RAI1: variants seen among roughly 807,000 people sequenced by gnomAD.
The protein encoded by RAI1 is retinoic acid induced 1, also known as retinoic acid-induced protein 1.
RAI1 carries 9 observed loss-of-function variants against 123.8 expected under a neutral mutation model. The ratio of observed to expected loss-of-function variants is 0.07; its 90% CI spans 0.04 to 0.13. RAI1 has a LOEUF of 0.13. Among genes scored for constraint, RAI1 ranks in the 10% least tolerant of loss-of-function variants. The probability of loss-of-function intolerance (pLI) is 1.00; values close to 1 mark genes in which losing one functional copy is unlikely to be tolerated. For synonymous variants in RAI1, 1,231 were observed against 1,127.3 expected (o/e 1.09, Z -1.84); for missense variants, 2,256 against 2,545.8 (o/e 0.89, Z 2.45).
chr17:17,780,152 G>C (rs1229665994), intron 2 of RAI1, among the ~76,000 whole-genome samples: 1 of 147,170 alleles, frequency 6.8e-6, no homozygotes, highest in Non-Finnish European at 1.5e-5. Context: ...TGCAACCTCC[G>C]CCTCCCAGGT....
chr17:17,726,095 T>A (rs1387249006), intron 2 of RAI1, among the ~76,000 whole-genome samples: 1 of 152,070 alleles, frequency 6.6e-6, no homozygotes, highest in Non-Finnish European at 1.5e-5. Context: ...TTCAGGGACC[T>A]TGTGGGAGGC....
intron 1 of RAI1, among the ~76,000 whole-genome samples, chr17:17,721,470 G>A (rs1426590937): frequency 6.6e-6 from 1 of 152,218 alleles, no homozygotes; most frequent in Non-Finnish European, 1.5e-5. Flanking sequence ...AGGTCCTAAG[G>A]TGAGAGTGTG....
chr17:17,765,325 C>T (rs2030881032), intron 2 of RAI1, among the ~76,000 whole-genome samples: 1 of 152,226 alleles, frequency 6.6e-6, no homozygotes, highest in African/African-American at 2.4e-5. Flanking sequence ...GACCGAGGTA[C>T]AGTCCAGGCA....
In RAI1 at chr17:17,714,753, G is replaced by C. The variant is rs576563146; in HGVS notation, c.-148-9275G>C. ...GAAGGGCACAGAAGCAGGACTGGAAGGAAATCCTGGTTGTGGGCTGAGCTC... is the reference window on the plus strand; with the variant it reads ...GAAGGGCACAGAAGCAGGACTGGAACGAAATCCTGGTTGTGGGCTGAGCTC... On this transcript the variant is annotated intron_variant, in intron 1 of 5. Coordinates refer to ENST00000353383, the MANE Select transcript of RAI1 (RefSeq NM_030665.4). The surrounding 1 kb of genome is among the most constrained non-coding windows in gnomAD (Gnocchi z 4.9). Among the ~76,000 whole-genome samples the C allele has an allele frequency of 6.6e-6, 1 of 152,244 alleles. No individual in the cohort carries two copies. The highest frequency in any genetic ancestry group is 1.9e-4 in the East Asian group (1 of 5,204).
chr17:17,804,818 T>C (rs909822092), intron 4 of RAI1, among the ~76,000 whole-genome samples: 9 of 152,104 alleles, frequency 5.9e-5, no homozygotes, highest in Admixed American at 5.2e-4. Flanking sequence ...GCAGCCATGC[T>C]GGCTCCTAGT....
chr17:17,791,207 G>A (rs1458376939), intron 2 of RAI1, among the ~76,000 whole-genome samples: 1 of 152,242 alleles, frequency 6.6e-6, no homozygotes, highest in Non-Finnish European at 1.5e-5. Flanking sequence ...GAGCAGGAGA[G>A]GTGGTCCCAG....
At chr17:17,684,671 CATATATATATATATATATATATATAT>C (rs58265371) in intron 1 of RAI1, 5 of 125,876 alleles carry the variant, frequency 4.0e-5, no homozygotes, top group East Asian at 3.6e-4. Flanking sequence ...TCACTTAATG[CATATATATATATATATATATATATAT>C]ATATATATAT....
intron 1 of RAI1, among the ~76,000 whole-genome samples, chr17:17,691,488 G>C (rs911234813): frequency 2.6e-5 from 4 of 152,252 alleles, no homozygotes; most frequent in African/African-American, 9.6e-5. Context: ...AAAGGTAGCG[G>C]GAAGAAAGAG....
intron 4 of RAI1, among the ~76,000 whole-genome samples, chr17:17,807,089 C>T (rs1047877027): frequency 5.9e-5 from 9 of 152,154 alleles, no homozygotes; most frequent in African/African-American, 2.2e-4. Flanking sequence ...TTGTGTTCAC[C>T]ATGGAACAGC....
At chr17:17,724,322 G>A (rs1915998808) in intron 2 of RAI1, among the ~76,000 whole-genome samples, 163 bp downstream of exon 2, 1 of 151,256 alleles carries the variant, frequency 6.6e-6, no homozygotes, top group African/African-American at 2.4e-5. Context: ...CCAGGATCTT[G>A]GCTGGAGTTG....
rs1322525063 is a variant in RAI1 at position 17,811,227 on chromosome 17, T to C, written c.*1246T>C. 7 of 336,900 alleles carry C rather than the reference T, an allele frequency of 2.1e-5. No homozygotes were observed. Among genetic ancestry groups the C allele is most frequent in the South Asian group, 1.2e-4 (5 of 41,054 alleles). The allele number at this position is 336,900 out of a possible 1,614,324, so 20.9% of individuals were successfully genotyped here. On this transcript the variant is annotated 3_prime_UTR_variant, in exon 6 of 6. Coordinates refer to ENST00000353383, the MANE Select transcript of RAI1 (RefSeq NM_030665.4). ...ACGTGTGTATTATATCTGGCCTCGT[T>C]ATATAGTGTATATATATGTATACAT...
Position 17,797,035 on chromosome 17 carries a change from G to T in RAI1, c.4087G>T (p.Asp1363Tyr). The T allele has an allele frequency of 1.2e-6, 2 of 1,613,898 alleles. No individual in the cohort carries two copies. The highest frequency in any genetic ancestry group is 1.7e-6 in the Non-Finnish European group (2 of 1,180,036). The change falls in exon 3 of 6, where the codon GAC (aspartate) becomes TAC (tyrosine). Residue 1363 changes from aspartate (D) to tyrosine (Y), a missense_variant. By Grantham distance (160) the Asp-to-Tyr change is radical. Around this residue, in one of 7 missense-constraint regions of RAI1, gnomAD observed 322 missense variants for 358.0 expected, o/e 0.90. Coordinates refer to ENST00000353383, the MANE Select transcript of RAI1 (RefSeq NM_030665.4). The part of the protein sequence containing the change: ...PGNPLSPSLS[D>Y]KDRGLKGAGG... ...TAATCCTCTGAGCCCATCCCTTTCC[G>T]ACAAAGACCGTGGGCTCAAGGGTGC... is the stretch of plus-strand genomic sequence containing the variant.
chr17:17,778,941 G>A (rs2031456908), intron 2 of RAI1: 1 of 456,746 alleles, frequency 2.2e-6, no homozygotes, highest in South Asian at 1.5e-5. Context: ...CTGGGAAGAG[G>A]GGCCAGTGCA....
intron 3 of RAI1, chr17:17,802,115 C>T (rs762272285): frequency 6.4e-6 from 3 of 471,020 alleles, no homozygotes; most frequent in South Asian, 1.5e-5. Context: ...CTTCCAAGGG[C>T]CTTCTTGGTG....
intron 3 of RAI1, among the ~76,000 whole-genome samples, chr17:17,803,261 C>T (rs2032519509): frequency 6.6e-6 from 1 of 152,060 alleles, no homozygotes; most frequent in South Asian, 2.1e-4. Context: ...GCTAAATGAC[C>T]CATGTTTGTG....
Position 17,803,748 on chromosome 17 carries a change from T to C in RAI1, c.5566-8T>C. ...GAGACTCACCTGCCTTTCCTTTCTCTTCATCAGATGTGTTCCAGCTGCCAA... is the reference window on the plus strand; with the variant it reads ...GAGACTCACCTGCCTTTCCTTTCTCCTCATCAGATGTGTTCCAGCTGCCAA... On this transcript the variant is annotated splice_region_variant and splice_polypyrimidine_tract_variant and intron_variant, in intron 3 of 5. Coordinates refer to ENST00000353383, the MANE Select transcript of RAI1 (RefSeq NM_030665.4). The C allele has an allele frequency of 6.2e-7, 1 of 1,612,434 alleles. No individual in the cohort carries two copies. Among genetic ancestry groups the C allele is most frequent in the Non-Finnish European group, 8.5e-7 (1 of 1,178,976 alleles).
In RAI1 at chr17:17,681,475, C is replaced by A. The variant is rs1914409774; in HGVS notation, c.-467C>A. 1 of 169,028 alleles carries A rather than the reference C, an allele frequency of 5.9e-6. No homozygotes were observed. The highest frequency in any genetic ancestry group is 2.4e-5 in the African/African-American group (1 of 41,630). 10.5% of individuals were successfully genotyped at this position (169,028 alleles called of 1,614,324 possible). On this transcript the variant is annotated 5_prime_UTR_variant, in exon 1 of 6. Transcript: ENST00000353383. Reference sequence around the variant, plus strand: ...AGGGGATCGCATTCCTCGCGGCACCCGCGGACACCAGGCAGGCCCGGCCGG... The same window carrying A: ...AGGGGATCGCATTCCTCGCGGCACCAGCGGACACCAGGCAGGCCCGGCCGG...
chr17:17,681,803 G>T lies in RAI1; in HGVS notation c.-149+10G>T. The stretch of plus-strand genomic sequence containing the variant: ...GAGCGCGGGCGCCGAGGTGAGCAGC[G>T]AGCGCCGGGGCGCGGGGGGCGCAGT... On this transcript the variant is annotated intron_variant, in intron 1 of 5. Transcript: ENST00000353383. The T allele has an allele frequency of 6.7e-6, 2 of 298,718 alleles. No homozygotes were observed. The highest frequency in any genetic ancestry group is 4.7e-5 in the East Asian group (1 of 21,376). The allele number at this position is 298,718 out of a possible 1,614,324, so 18.5% of individuals were successfully genotyped here.
At chr17:17,700,690 C>CCGA (rs1468832027) in intron 1 of RAI1, among the ~76,000 whole-genome samples, 2 of 152,108 alleles carry the variant, frequency 1.3e-5, no homozygotes, top group African/African-American at 2.4e-5. Flanking sequence ...GCCTCGTCCG[C>CCGA]CGAGGCCGCA....
Sources: gnomAD v4.1 joint callset for allele counts (sites outside exome capture counted in the v4.1 genomes callset) on GRCh38, gnomAD v4.1.1 for gene constraint, gnomAD v4.1.1 regional missense constraint, Gnocchi (gnomAD v3.1) non-coding constraint, MANE v1.5 for transcripts, NCBI Gene and HGNC (gene_info 2026-07-23, HGNC 2026-07-21) for gene names.